RARB: variants seen among roughly 807,000 people sequenced by gnomAD.
The protein encoded by RARB is HBV-activated protein.
RARB carries 17 observed loss-of-function variants against 51.9 expected under a neutral mutation model. The observed-to-expected ratio is 0.33, with a 90% CI of 0.22 to 0.49. The LOEUF is 0.49. RARB is among the 20% of genes least tolerant of loss of function. RARB has a pLI of 0.99. For missense variants in RARB, 369 were observed against 550.8 expected (o/e 0.67, Z 3.30); for synonymous variants, 215 against 195.4 (o/e 1.10, Z -0.84).
intron 3 of RARB, among the ~76,000 whole-genome samples, chr3:25,518,309 A>G (rs1698261432): frequency 6.6e-6 from 1 of 151,948 alleles, no homozygotes; most frequent in Non-Finnish European, 1.5e-5. Context: ...GGACAAGTTC[A>G]GTGACAAGAC....
chr3:25,594,715 T>C, intron 7 of RARB, 37 bp downstream of exon 7: 1 of 1,506,936 alleles, frequency 6.6e-7, no homozygotes, highest in Non-Finnish European at 8.9e-7. Flanking sequence ...AGTCACACAG[T>C]GGACTTGAGG....
At chr3:25,466,315 G>A (rs954495078) in intron 2 of RARB, among the ~76,000 whole-genome samples, 2 of 152,134 alleles carry the variant, frequency 1.3e-5, no homozygotes, top group Non-Finnish European at 1.5e-5. Context: ...AGCCTCCCGA[G>A]TAGCTGGGAT....
intron 5 of RARB, among the ~76,000 whole-genome samples, chr3:25,245,724 C>G (rs893585427): frequency 6.6e-6 from 1 of 152,164 alleles, no homozygotes; most frequent in African/African-American, 2.4e-5. Flanking sequence ...TTCTCTCTGA[C>G]TGCCCTTAAC....
chr3:25,501,987 C>T (rs1450278423), intron 3 of RARB, among the ~76,000 whole-genome samples: 3 of 152,182 alleles, frequency 2.0e-5, no homozygotes, highest in Admixed American at 6.5e-5. Flanking sequence ...CAACAAATTT[C>T]GCTCTTTCTC....
chr3:25,491,194 T>C (rs1295214841), intron 2 of RARB, among the ~76,000 whole-genome samples: 1 of 152,140 alleles, frequency 6.6e-6, no homozygotes, highest in East Asian at 1.9e-4. Context: ...CGTGCGTAGA[T>C]ATGTGTGCTG....
At chr3:25,507,084 C>A (rs1490495679) in intron 3 of RARB, among the ~76,000 whole-genome samples, 1 of 152,256 alleles carries the variant, frequency 6.6e-6, no homozygotes, top group Non-Finnish European at 1.5e-5. Flanking sequence ...CAGTGCTTCG[C>A]ACAAAGCTCC....
At chr3:25,406,809 C>A (rs1707421933) in intron 5 of RARB, among the ~76,000 whole-genome samples, 1 of 152,192 alleles carries the variant, frequency 6.6e-6, no homozygotes, top group Non-Finnish European at 1.5e-5. Flanking sequence ...CCACTACCAT[C>A]ACACCAGGAG....
chr3:25,398,603 T>G (rs1353685390), intron 5 of RARB, among the ~76,000 whole-genome samples: 2 of 152,184 alleles, frequency 1.3e-5, no homozygotes, highest in Non-Finnish European at 2.9e-5. Flanking sequence ...CCAAGCCCTC[T>G]TTTTTGCCCT....
intron 5 of RARB, among the ~76,000 whole-genome samples, chr3:25,360,336 C>A (rs766267940): frequency 3.3e-5 from 5 of 152,194 alleles, no homozygotes; most frequent in Admixed American, 1.3e-4. Context: ...GGTAAATCTT[C>A]TTCCATCCCT....
chr3:25,453,095 C>T (rs1212753755), intron 1 of RARB, among the ~76,000 whole-genome samples: 4 of 152,020 alleles, frequency 2.6e-5, no homozygotes, highest in Non-Finnish European at 2.9e-5. Context: ...ATTAACTCAG[C>T]AAAATGGGAT....
chr3:25,568,098 A>G (rs1275433641), intron 3 of RARB, among the ~76,000 whole-genome samples: 1 of 152,178 alleles, frequency 6.6e-6, no homozygotes, highest in African/African-American at 2.4e-5. Flanking sequence ...CTGGGAAAGA[A>G]TACAGCTGAG....
intron 5 of RARB, among the ~76,000 whole-genome samples, chr3:25,223,396 G>C (rs1265104562): frequency 6.6e-6 from 1 of 152,182 alleles, no homozygotes; most frequent in Non-Finnish European, 1.5e-5. Flanking sequence ...GTAGAGGCTA[G>C]AAGAAATATC....
At chr3:24,875,522 A>T (rs1034333242) in intron 2 of RARB, among the ~76,000 whole-genome samples, 8 of 152,130 alleles carry the variant, frequency 5.3e-5, no homozygotes, top group African/African-American at 1.9e-4. Context: ...AATGCACTAA[A>T]AATGCTGATG....
chr3:25,283,387 C>T (rs1703571552), intron 5 of RARB, among the ~76,000 whole-genome samples: 1 of 152,166 alleles, frequency 6.6e-6, no homozygotes, highest in South Asian at 2.1e-4. Context: ...ATACCCAGTC[C>T]ACTTAGGTTG....
At chr3:24,887,240 T>C (rs1703284047) in intron 2 of RARB, among the ~76,000 whole-genome samples, 2 of 152,176 alleles carry the variant, frequency 1.3e-5, no homozygotes, top group Non-Finnish European at 2.9e-5. Context: ...GGCGGCGGGG[T>C]GGAGAGACAA....
At chr3:25,244,588 G>T (rs1353158193) in intron 5 of RARB, among the ~76,000 whole-genome samples, 2 of 152,168 alleles carry the variant, frequency 1.3e-5, no homozygotes, top group African/African-American at 2.4e-5. Context: ...TCACTCAGGA[G>T]CAGGTTGTTC....
chr3:25,436,184 A>T (rs1708429656), intron 1 of RARB, among the ~76,000 whole-genome samples: 1 of 152,190 alleles, frequency 6.6e-6, no homozygotes. Flanking sequence ...TTGCATGTGA[A>T]AGTGCCTTGC....
rs188586257 is a variant in RARB at position 25,507,480 on chromosome 3, A to T, written c.448+6157A>T. 5.2e-3 allele frequency among the ~76,000 whole-genome samples: 797 copies of T among 152,310 alleles called. 1 individual carries two copies. The highest frequency in any genetic ancestry group is 7.6e-3 in the Non-Finnish European group (516 of 68,038). ...TGACTAACAGCCCAGGCGTGACATG[A>T]GAATTGATGCTTTTAATCCTGTTTA... On this transcript the variant is annotated intron_variant, in intron 3 of 7. Transcript: ENST00000330688.
chr3:25,504,688 A>G (rs897176506), intron 3 of RARB, among the ~76,000 whole-genome samples: 1 of 152,092 alleles, frequency 6.6e-6, no homozygotes, highest in African/African-American at 2.4e-5. Context: ...AAAGAAGGAT[A>G]AAACTGAGAA....
Sources: allele counts gnomAD v4.1 joint callset (sites outside exome capture counted in the v4.1 genomes callset), GRCh38; gene constraint gnomAD v4.1.1; transcripts MANE v1.5; gene names NCBI Gene and HGNC (gene_info 2026-07-23, HGNC 2026-07-21).